Variants in LEF1 observed in about 807,000 individuals in gnomAD.
LEF1 encodes the protein lymphoid enhancer-binding factor 1.
A neutral mutation model predicts 51.2 loss-of-function variants in LEF1; 14 were observed. The observed-to-expected ratio is 0.27, with a 90% confidence interval of 0.18 to 0.43. LEF1 has a LOEUF of 0.43. Ranked by LOEUF, LEF1 falls within the 20% of genes least tolerant of loss-of-function variation. The probability of loss-of-function intolerance (pLI) is 1.00; values close to 1 mark genes in which losing one functional copy is unlikely to be tolerated. For missense variants in LEF1, 386 were observed against 512.0 expected (o/e 0.75, Z 2.37); for synonymous variants, 185 against 183.2 (o/e 1.01, Z -0.08).
intron 3 of LEF1, among the ~76,000 whole-genome samples, chr4:108,101,425 A>G (rs1185208480): frequency 6.6e-6 from 1 of 152,222 alleles, no homozygotes; most frequent in African/African-American, 2.4e-5. Context: ...CAAGAAACAA[A>G]TTCTTTCTAG....
At chr4:108,081,440 T>C in intron 6 of LEF1, 146 bp downstream of exon 6, 1 of 642,322 alleles carries the variant, frequency 1.6e-6, no homozygotes. Context: ...TGACACCTAG[T>C]GTGGGAGCCA....
intron 3 of LEF1, among the ~76,000 whole-genome samples, chr4:108,131,350 T>C (rs1357137313): frequency 6.7e-6 from 1 of 149,844 alleles, no homozygotes; most frequent in African/African-American, 2.5e-5. Context: ...GGCACTGCAC[T>C]CCAGCCTGGG....
chr4:108,079,437 G>A (rs1269374305), intron 7 of LEF1, 55 bp downstream of exon 7: 4 of 1,595,348 alleles, frequency 2.5e-6, no homozygotes, highest in African/African-American at 1.3e-5. Context: ...GAGCAACAGT[G>A]TAGAAATCCT....
chr4:108,099,556 A>ATGTGTGTGTGTG (rs1245005290), intron 3 of LEF1, among the ~76,000 whole-genome samples: 4 of 49,670 alleles, frequency 8.1e-5, no homozygotes, highest in African/African-American at 2.8e-4. Context: ...GTGTGTGTGT[A>ATGTGTGTGTGTG]TGTGTGTGTG....
At chr4:108,048,959 G>A (rs1410325084) in intron 11 of LEF1, among the ~76,000 whole-genome samples, 1 of 152,108 alleles carries the variant, frequency 6.6e-6, no homozygotes, top group Non-Finnish European at 1.5e-5. Flanking sequence ...TTTTACTTTG[G>A]TTCCATGTAT....
intron 3 of LEF1, among the ~76,000 whole-genome samples, chr4:108,144,908 TACTGCATA>T (rs1743905019): frequency 8.7e-6 from 1 of 114,666 alleles, no homozygotes; most frequent in Non-Finnish European, 1.7e-5. Flanking sequence ...TCCTCATGAA[TACTGCATA>T]ATCTGCAGGT....
intron 6 of LEF1, 104 bp downstream of exon 6, chr4:108,081,482 G>A: frequency 2.4e-6 from 2 of 823,220 alleles, no homozygotes; most frequent in Non-Finnish European, 4.1e-6. Context: ...CATGGCTGAG[G>A]TATGCACCCT....
chr4:108,154,536 T>C (rs966855099), intron 3 of LEF1, among the ~76,000 whole-genome samples: 1 of 150,802 alleles, frequency 6.6e-6, no homozygotes, highest in Admixed American at 6.6e-5. Flanking sequence ...AAAATTCTAA[T>C]GTATGAATAC....
intron 3 of LEF1, among the ~76,000 whole-genome samples, chr4:108,120,911 T>C (rs550509019): frequency 5.3e-5 from 8 of 152,364 alleles, no homozygotes; most frequent in Non-Finnish European, 8.8e-5. Context: ...CTTAAAACAA[T>C]AGGCTCATTT....
At chr4:108,050,939 C>T (rs797006531) in intron 11 of LEF1, among the ~76,000 whole-genome samples, 35 of 152,288 alleles carry the variant, frequency 2.3e-4, no homozygotes, top group African/African-American at 8.2e-4. Context: ...TCCGGCTCCA[C>T]CAGTCTTCTT....
At chr4:108,089,877 T>C (rs1739898445) in intron 3 of LEF1, among the ~76,000 whole-genome samples, 1 of 152,226 alleles carries the variant, frequency 6.6e-6, no homozygotes, top group South Asian at 2.1e-4. Flanking sequence ...AGACTAGCCA[T>C]TATGCTTTGG....
chr4:108,086,835 C>CACACACACACACACACACAT (rs1739680684), intron 4 of LEF1, among the ~76,000 whole-genome samples: 1 of 152,010 alleles, frequency 6.6e-6, no homozygotes, highest in Non-Finnish European at 1.5e-5. Flanking sequence ...CACTTACACA[C>CACACACACACACACACACAT]ACACACACAC....
intron 3 of LEF1, among the ~76,000 whole-genome samples, chr4:108,154,305 G>C (rs1249454291): frequency 6.6e-6 from 1 of 151,892 alleles, no homozygotes; most frequent in Non-Finnish European, 1.5e-5. Flanking sequence ...AATTGGGGCA[G>C]GTTACTGCTG....
intron 3 of LEF1, among the ~76,000 whole-genome samples, chr4:108,106,842 G>A (rs1741200397): frequency 6.6e-6 from 1 of 152,130 alleles, no homozygotes; most frequent in African/African-American, 2.4e-5. Flanking sequence ...ACCAATGAAG[G>A]GGAGTTTACA....
Position 108,167,863 on chromosome 4 carries a change from G to A in LEF1, c.-96C>T, listed in dbSNP as rs577527784. The A allele has an allele frequency of 2.0e-4, 224 of 1,101,288 alleles. No individual in the cohort carries two copies. The South Asian group carries it at 3.0e-3, about 15-fold the overall frequency. 68.2% of individuals were successfully genotyped at this position (1,101,288 alleles called of 1,614,324 possible). Reference sequence around the variant, plus strand: ...CTCAAGGGTGGGGGAGGAAAGGAGAGTTGGAAGGGTTCGTGCAGCAGGACA... The same window carrying A: ...CTCAAGGGTGGGGGAGGAAAGGAGAATTGGAAGGGTTCGTGCAGCAGGACA... On this transcript the variant is annotated 5_prime_UTR_variant, in exon 1 of 12. Transcript: ENST00000265165. The surrounding 1 kb of genome is among the most constrained non-coding windows in gnomAD (Gnocchi z 5.7).
At chr4:108,089,296 C>A in intron 3 of LEF1, 39 bp from the exon 4 acceptor site, 1 of 1,593,406 alleles carries the variant, frequency 6.3e-7, no homozygotes, top group Non-Finnish European at 8.6e-7. Flanking sequence ...AATATGGATG[C>A]CCAGCTCCAG....
chr4:108,123,801 A>C (rs1482175967), intron 3 of LEF1, among the ~76,000 whole-genome samples: 1 of 152,116 alleles, frequency 6.6e-6, no homozygotes, highest in Non-Finnish European at 1.5e-5. Flanking sequence ...TAAGATGCCT[A>C]ATATCAGCTT....
chr4:108,056,891 G>C (rs1473662702), intron 11 of LEF1, among the ~76,000 whole-genome samples: 1 of 150,934 alleles, frequency 6.6e-6, no homozygotes, highest in Non-Finnish European at 1.5e-5. Context: ...CCCCCAACTG[G>C]GCTAGGCCAC....
In LEF1 at chr4:108,076,784, G is replaced by A. The variant is rs549306313; in HGVS notation, c.1008+1436C>T. 2.6e-5 allele frequency among the ~76,000 whole-genome samples: 4 copies of A among 152,222 alleles called. No individual in the cohort carries two copies. The East Asian group carries it at 5.8e-4, about 22-fold the overall frequency. ...AAGAATGATAATGGGGCTTTAGGAG[G>A]TCGAGGTGGGTGGATGACTTGAGGT... On this transcript the variant is annotated intron_variant, in intron 8 of 11. Coordinates refer to ENST00000265165, the MANE Select transcript of LEF1 (RefSeq NM_016269.5).
Sources: gnomAD v4.1 joint callset for allele counts (sites outside exome capture counted in the v4.1 genomes callset) on GRCh38, gnomAD v4.1.1 for gene constraint, Gnocchi (gnomAD v3.1) non-coding constraint, MANE v1.5 for transcripts, NCBI Gene and HGNC (gene_info 2026-07-23, HGNC 2026-07-21) for gene names.